SLC38A9: variants seen among roughly 807,000 people sequenced by gnomAD.
SLC38A9 encodes solute carrier family 38 member 9.
A neutral mutation model predicts 62.3 loss-of-function variants in SLC38A9; 48 were observed. That is an observed-to-expected ratio of 0.77 (90% confidence interval 0.61 to 0.98). SLC38A9 has a LOEUF of 0.98. SLC38A9 is among the 50% of genes least tolerant of loss of function. SLC38A9 has a pLI of 0.00. For synonymous variants in SLC38A9, 204 were observed against 227.7 expected, an observed-to-expected ratio of 0.90 and a Z score of 0.94; for missense variants, 541 against 679.8, an observed-to-expected ratio of 0.80 and a Z score of 2.27.
intron 12 of SLC38A9, among the ~76,000 whole-genome samples, chr5:55,643,888 T>G (rs1006802618): frequency 9.9e-5 from 15 of 152,246 alleles, no homozygotes; most frequent in Non-Finnish European, 1.9e-4. Context: ...TATATCTTTA[T>G]GTTTAATATA....
At chr5:55,672,488 G>C in intron 4 of SLC38A9, 75 bp downstream of exon 4, 16 of 1,514,040 alleles carry the variant, frequency 1.1e-5, no homozygotes, top group Non-Finnish European at 1.4e-5. Context: ...CAATCACTGG[G>C]AGGTGCCCTG....
At chr5:55,641,134 C>T (rs11948003) in intron 12 of SLC38A9, among the ~76,000 whole-genome samples, 84,907 of 152,124 alleles carry the variant, frequency 0.56, 24,750 homozygotes, top group South Asian at 0.66. Context: ...GCCACCATGC[C>T]CGGCCAACAT....
chr5:55,670,824 C>T (rs1021320430), intron 4 of SLC38A9, among the ~76,000 whole-genome samples: 8 of 151,954 alleles, frequency 5.3e-5, no homozygotes, highest in African/African-American at 1.9e-4. Flanking sequence ...TAAGTAATTC[C>T]ATTATGGAAC....
chr5:55,632,693 C>T (rs1233435431), intron 14 of SLC38A9, among the ~76,000 whole-genome samples: 1 of 152,180 alleles, frequency 6.6e-6, no homozygotes, highest in African/African-American at 2.4e-5. Flanking sequence ...ACTCCAATTT[C>T]CCACTATTTC....
intron 3 of SLC38A9, among the ~76,000 whole-genome samples, chr5:55,680,226 T>TAGAGAGAG (rs59019385): frequency 4.6e-4 from 69 of 151,348 alleles, no homozygotes; most frequent in African/African-American, 1.6e-3. Context: ...TATATATATA[T>TAGAGAGAG]AGAGAGAGAG....
chr5:55,641,085 G>A lies in SLC38A9; in HGVS notation c.1167+4704C>T, dbSNP rs576795779. On this transcript the variant is annotated intron_variant, in intron 12 of 15. Transcript: ENST00000396865. ...GAACTCCCAACCTCAGGTGATCCAC[G>A]CACCTCGGCCTCCCAAAGTGCTGGG... 1.3e-3 allele frequency among the ~76,000 whole-genome samples: 201 copies of A among 151,928 alleles called. 1 individual carries two copies. The highest frequency in any genetic ancestry group is 0.01 in the Middle Eastern group (3 of 294).
rs1374171335 is a variant in SLC38A9 at position 55,669,844 on chromosome 5, C to G, written c.282G>C (p.Glu94Asp). The change falls in exon 5 of 16, where the codon GAG becomes GAC. Residue 94 changes from glutamate to aspartate, a missense_variant. Glu to Asp is a conservative substitution (Grantham distance 45). Transcript: ENST00000396865. ...AGCCCAATGGACTATACACATAGCA[C>G]TCTTCTGGAGCTGGAACTACATGGT... is the stretch of plus-strand genomic sequence containing the variant. Reference protein sequence around the residue: ...APDHVVPAPEECYVYSPLGSA... With the variant: ...APDHVVPAPEDCYVYSPLGSA... 1.2e-6 allele frequency: 2 copies of G among 1,612,640 alleles called. No individual in the cohort carries two copies. Among genetic ancestry groups the G allele is most frequent in the Admixed American group, 1.7e-5 (1 of 59,594 alleles).
intron 12 of SLC38A9, among the ~76,000 whole-genome samples, chr5:55,636,002 T>A (rs1744347165): frequency 1.3e-5 from 2 of 152,186 alleles, no homozygotes; most frequent in African/African-American, 2.4e-5. Flanking sequence ...TTAACTACAA[T>A]AATAAAGCTA....
chr5:55,662,688 A>AAC (rs1481957976), intron 8 of SLC38A9, among the ~76,000 whole-genome samples: 1 of 7,546 alleles, frequency 1.3e-4, no homozygotes, highest in African/African-American at 2.5e-4. Flanking sequence ...AAAAAAAACC[A>AAC]AAAAAAAAAA....
At chr5:55,650,541 A>G (rs1010144018) in intron 10 of SLC38A9, among the ~76,000 whole-genome samples, 1 of 152,172 alleles carries the variant, frequency 6.6e-6, no homozygotes, top group Non-Finnish European at 1.5e-5. Context: ...AAAGTTGGCA[A>G]GCAAATCAGG....
chr5:55,659,711 T>A (rs1749120483), intron 8 of SLC38A9, among the ~76,000 whole-genome samples: 1 of 151,372 alleles, frequency 6.6e-6, no homozygotes, highest in African/African-American at 2.4e-5. Context: ...AATTCACAGA[T>A]GATATGATTA....
chr5:55,710,036 T>C (rs1757793709), intron 2 of SLC38A9, among the ~76,000 whole-genome samples: 1 of 114,682 alleles, frequency 8.7e-6, no homozygotes, highest in East Asian at 2.6e-4. Context: ...GCCACTGCAC[T>C]CCAGCCTGGC....
chr5:55,706,308 T>C (rs1357381277), intron 2 of SLC38A9, among the ~76,000 whole-genome samples: 2 of 152,216 alleles, frequency 1.3e-5, no homozygotes, highest in Non-Finnish European at 2.9e-5. Flanking sequence ...TGTAAACCAA[T>C]ATACTCTGTA....
chr5:55,650,129 A>G (rs1421547952), intron 10 of SLC38A9, among the ~76,000 whole-genome samples: 1 of 152,186 alleles, frequency 6.6e-6, no homozygotes, highest in Non-Finnish European at 1.5e-5. Context: ...AGCCAAATAC[A>G]TGAACAATCC....
At chr5:55,679,593 A>T (rs1561399572) in intron 3 of SLC38A9, among the ~76,000 whole-genome samples, 1 of 96,380 alleles carries the variant, frequency 1.0e-5, no homozygotes, top group East Asian at 2.4e-4. Flanking sequence ...GCAAGTTTTT[A>T]GTTTTTTGTT....
chr5:55,635,493 A>G (rs376771353), intron 13 of SLC38A9, 51 bp downstream of exon 13: 5 of 1,318,182 alleles, frequency 3.8e-6, no homozygotes, highest in Middle Eastern at 1.8e-4. Context: ...TACCTACTAT[A>G]AATACATGAA....
intron 7 of SLC38A9, among the ~76,000 whole-genome samples, chr5:55,667,228 G>GTTT (rs34016533): frequency 6.6e-6 from 1 of 151,124 alleles, no homozygotes; most frequent in Non-Finnish European, 1.5e-5. Context: ...ATTATTTAGG[G>GTTT]TTTTTTTTGC....
At chr5:55,695,170 CAGT>C (rs1224571752) in intron 3 of SLC38A9, among the ~76,000 whole-genome samples, 3 of 151,868 alleles carry the variant, frequency 2.0e-5, no homozygotes, top group African/African-American at 7.3e-5. Context: ...AATTTATAAT[CAGT>C]AGCATCTCAG....
At chr5:55,700,412 C>G (rs1341662017) in intron 2 of SLC38A9, among the ~76,000 whole-genome samples, 1 of 148,638 alleles carries the variant, frequency 6.7e-6, no homozygotes, top group Non-Finnish European at 1.5e-5. Context: ...AAAAGTCAGA[C>G]GAAGGTCTTG....
Sources: gnomAD v4.1 joint callset for allele counts (sites outside exome capture counted in the v4.1 genomes callset) on GRCh38, gnomAD v4.1.1 for gene constraint, MANE v1.5 for transcripts, NCBI Gene and HGNC (gene_info 2026-07-23, HGNC 2026-07-21) for gene names.